MED1: variants seen among roughly 807,000 people sequenced by gnomAD.
MED1 encodes the protein mediator complex subunit 1, also known as mediator of RNA polymerase II transcription subunit 1.
In MED1, 17 loss-of-function variants were observed where a neutral mutation model predicts 121.3. The observed-to-expected ratio is 0.14, with a 90% CI of 0.10 to 0.21. MED1 has a LOEUF of 0.21. Among genes scored for constraint, MED1 ranks in the 10% least tolerant of loss-of-function variants. MED1 has a pLI of 1.00. For synonymous variants in MED1, 661 were observed against 694.4 expected (o/e 0.95, Z 0.76); for missense variants, 1,558 against 1,919.4 (o/e 0.81, Z 3.52).
At chr17:39,424,809 A>C in intron 10 of MED1, 71 bp from the exon 11 acceptor site, 1 of 928,906 alleles carries the variant, frequency 1.1e-6, no homozygotes, top group Non-Finnish European at 1.7e-6. Flanking sequence ...ATGTTTTAAG[A>C]GGTTAATTTT....
intron 13 of MED1, among the ~76,000 whole-genome samples, chr17:39,420,492 C>T (rs1027693670): frequency 1.8e-4 from 28 of 151,990 alleles, no homozygotes; most frequent in South Asian, 4.1e-4. Flanking sequence ...TAAACAACCA[C>T]GCCCGGCTGC....
rs770229372 is a variant in MED1 at position 39,443,601 on chromosome 17, C to T, written c.160G>A (p.Gly54Arg). The T allele has an allele frequency of 6.2e-7, 1 of 1,614,010 alleles. No individual in the cohort carries two copies. Among genetic ancestry groups the T allele is most frequent in the South Asian group, 1.1e-5 (1 of 91,080 alleles). Reference sequence around the variant, plus strand: ...AAACAGCTGACCAAATGTTGATGCCCTCCAGAACTCATCACAACCCTCTTC... The same window carrying T: ...AAACAGCTGACCAAATGTTGATGCCTTCCAGAACTCATCACAACCCTCTTC... Reference protein sequence around the residue: ...MEKRVVMSSGGHQHLVSCLET... With the variant: ...MEKRVVMSSGRHQHLVSCLET... Residue 54 changes from glycine (G) to arginine (R), a missense_variant, in exon 3 of 17, where the codon GGG (glycine) becomes AGG (arginine). Around this residue, in one of 5 missense-constraint regions of MED1, gnomAD observed 443 missense variants for 532.4 expected, o/e 0.83. Coordinates refer to ENST00000300651, the MANE Select transcript of MED1 (RefSeq NM_004774.4).
chr17:39,410,824 T>C, intron 16 of MED1, 103 bp from the exon 17 acceptor site: 3 of 1,466,898 alleles, frequency 2.0e-6, no homozygotes, highest in Non-Finnish European at 2.7e-6. Flanking sequence ...AGTTTTCAGG[T>C]AGGGCAAATA....
At chr17:39,449,549 G>C (rs1355049539) in intron 1 of MED1, among the ~76,000 whole-genome samples, 2 of 97,072 alleles carry the variant, frequency 2.1e-5, no homozygotes, top group Non-Finnish European at 4.2e-5. Context: ...TTTTGCTCTT[G>C]TTGCCCAGAC....
chr17:39,414,996 G>A, intron 16 of MED1, 30 bp downstream of exon 16: 2 of 1,580,910 alleles, frequency 1.3e-6, no homozygotes, highest in Non-Finnish European at 1.7e-6. Context: ...ATCTCTAAAT[G>A]GGACTCAGAT....
At chr17:39,432,671 T>C (rs2048576512) in intron 7 of MED1, among the ~76,000 whole-genome samples, 1 of 151,740 alleles carries the variant, frequency 6.6e-6, no homozygotes, top group South Asian at 2.1e-4. Context: ...AGAGAATTGC[T>C]TGAACCCGGG....
chr17:39,420,197 C>A (rs937735067), intron 13 of MED1, among the ~76,000 whole-genome samples: 2 of 132,702 alleles, frequency 1.5e-5, no homozygotes, highest in Non-Finnish European at 3.2e-5. Flanking sequence ...TGCAAAATCT[C>A]TTTTTTTTTT....
chr17:39,447,130 C>T (rs186386808), intron 2 of MED1, among the ~76,000 whole-genome samples: 2 of 152,244 alleles, frequency 1.3e-5, no homozygotes, highest in South Asian at 2.1e-4. Context: ...GTGGCTCACG[C>T]CTGTAATCCC....
chr17:39,447,740 G>T, intron 2 of MED1, 58 bp downstream of exon 2: 1 of 1,236,960 alleles, frequency 8.1e-7, no homozygotes, highest in Non-Finnish European at 1.2e-6. Flanking sequence ...GGGGAGCTTA[G>T]CGTATTAAGA....
At chr17:39,411,776 G>T (rs2048357712) in intron 16 of MED1, among the ~76,000 whole-genome samples, 1 of 151,728 alleles carries the variant, frequency 6.6e-6, no homozygotes, top group African/African-American at 2.4e-5. Flanking sequence ...GAGGCGGGTG[G>T]ATCACAGGGT....
intron 16 of MED1, among the ~76,000 whole-genome samples, chr17:39,411,733 C>T (rs1170282846): frequency 6.6e-6 from 1 of 151,984 alleles, no homozygotes; most frequent in African/African-American, 2.4e-5. Flanking sequence ...GTCAGAGTGG[C>T]TCACGCCTGT....
intron 2 of MED1, among the ~76,000 whole-genome samples, chr17:39,446,055 G>A (rs913648930): frequency 4.7e-5 from 7 of 149,570 alleles, no homozygotes; most frequent in Non-Finnish European, 7.4e-5. Context: ...AAATGAATCC[G>A]CCAGGCACGG....
At position 39,408,147 on chromosome 17, in the gene MED1, A is replaced by G. The variant is rs1361110145; in HGVS notation, c.4074T>C (p.Ser1358=). 1.1e-5 allele frequency: 17 copies of G among 1,613,828 alleles called. No homozygotes were observed. Among genetic ancestry groups the G allele is most frequent in the Non-Finnish European group, 1.1e-5 (13 of 1,180,032 alleles). Residue 1358 remains serine (S), a synonymous_variant, in exon 17 of 17, where the codon AGT becomes AGC. Transcript: ENST00000300651. The surrounding 1 kb of genome is among the most constrained non-coding windows in gnomAD (Gnocchi z 4.7). ...GGEFQGKREK[S]DKDKSKVSTS... ...TGGAAACCTTTGATTTGTCTTTATC[A>G]CTTTTCTCACGCTTGCCCTGAAACT... is the stretch of plus-strand genomic sequence containing the variant.
intron 1 of MED1, among the ~76,000 whole-genome samples, chr17:39,448,588 G>A (rs1307936939): frequency 6.6e-6 from 1 of 151,162 alleles, no homozygotes; most frequent in Non-Finnish European, 1.5e-5. Context: ...GGGCTAGAGA[G>A]GAAAATTTAA....
chr17:39,408,444 A>G lies in MED1; in HGVS notation c.3777T>C (p.Thr1259=). ...CCGTACAGGAATTAGATGATGGGGG[A>G]GTTTTCTGGGACAACGAGCCTGAGG... ...LGSSGSLSQK[T]PPSSNSCTAS... is the part of the protein sequence containing the mutation. Residue 1259 remains threonine, a synonymous_variant, in exon 17 of 17, where the codon ACT becomes ACC. Coordinates refer to ENST00000300651, the MANE Select transcript of MED1 (RefSeq NM_004774.4). This position sits in a 1 kb window ranked among gnomAD's most constrained non-coding sequence, Gnocchi z 4.7. 1 of 1,614,098 alleles carries G rather than the reference A, an allele frequency of 6.2e-7. No homozygotes were observed.
intron 8 of MED1, among the ~76,000 whole-genome samples, chr17:39,431,517 G>C (rs2048565042): frequency 6.6e-6 from 1 of 152,146 alleles, no homozygotes; most frequent in Non-Finnish European, 1.5e-5. Flanking sequence ...GACCTCAGGT[G>C]ATCCGCCCGC....
chr17:39,448,611 A>T (rs1204299859), intron 1 of MED1, among the ~76,000 whole-genome samples: 1 of 152,072 alleles, frequency 6.6e-6, no homozygotes, highest in Non-Finnish European at 1.5e-5. Context: ...AAAAGAAAAA[A>T]AATAAATGAA....
At chr17:39,417,616 G>A (rs980015703) in intron 14 of MED1, among the ~76,000 whole-genome samples, 8 of 151,912 alleles carry the variant, frequency 5.3e-5, no homozygotes, top group African/African-American at 1.5e-4. Context: ...GCGACAGAGC[G>A]AGACTCCGTC....
chr17:39,449,281 G>C (rs1342373070), intron 1 of MED1, among the ~76,000 whole-genome samples: 1 of 152,062 alleles, frequency 6.6e-6, no homozygotes, highest in Non-Finnish European at 1.5e-5. Context: ...ACAGGATTCA[G>C]GTAATCCTCC....
Sources: gnomAD v4.1 joint callset for allele counts (sites outside exome capture counted in the v4.1 genomes callset) on GRCh38, gnomAD v4.1.1 for gene constraint, gnomAD v4.1.1 regional missense constraint, Gnocchi (gnomAD v3.1) non-coding constraint, MANE v1.5 for transcripts, NCBI Gene and HGNC (gene_info 2026-07-23, HGNC 2026-07-21) for gene names.